Variants in HDAC4 observed in about 807,000 individuals in gnomAD.
HDAC4 encodes the protein histone deacetylase A.
A neutral mutation model predicts 135.1 loss-of-function variants in HDAC4; 16 were observed. The observed-to-expected ratio is 0.12, with a 90% confidence interval of 0.08 to 0.18. The LOEUF is 0.18. Among genes scored for constraint, HDAC4 ranks in the 10% least tolerant of loss-of-function variants. The pLI, the probability that HDAC4 is intolerant of heterozygous loss-of-function variation, is 1.00. For synonymous variants in HDAC4, 685 were observed against 653.4 expected, an observed-to-expected ratio of 1.05 and a Z score of -0.74; for missense variants, 1,143 against 1,511.8, an observed-to-expected ratio of 0.76 and a Z score of 4.05.
chr2:239,306,379 C>T lies in HDAC4; in HGVS notation c.22+46299G>A, dbSNP rs1474006920. On this transcript the variant is annotated intron_variant, in intron 2 of 26. Coordinates refer to ENST00000543185, the MANE Select transcript of HDAC4 (RefSeq NM_001378414.1). The surrounding 1 kb of genome is among the most constrained non-coding windows in gnomAD (Gnocchi z 4.5). ...AGAGGACACAGCCTTCCAGTGGACACGAGGACCTCAGAGGCCACCTGGCCA... is the reference window on the plus strand; with the variant it reads ...AGAGGACACAGCCTTCCAGTGGACATGAGGACCTCAGAGGCCACCTGGCCA... Among the ~76,000 whole-genome samples, 1 of 152,130 alleles carries T rather than the reference C, an allele frequency of 6.6e-6. No individual in the cohort carries two copies. The highest frequency in any genetic ancestry group is 1.5e-5 in the Non-Finnish European group (1 of 68,010).
In HDAC4 at chr2:239,374,386, C is replaced by CTTTTTTTT. The variant is rs755538495; in HGVS notation, c.-219-21476_-219-21469dup. 1.0e-3 allele frequency among the ~76,000 whole-genome samples: 57 copies of CTTTTTTTT among 56,708 alleles called. 4 individuals are homozygous for CTTTTTTTT. Among genetic ancestry groups the CTTTTTTTT allele is most frequent in the South Asian group, 1.8e-3 (2 of 1,122 alleles). The allele number at this position is 56,708 out of a possible 152,430, so 37.2% of individuals were successfully genotyped here. ...CACCCCAGATGAATAGAAAACAAGG[C>CTTTTTTTT]TTTTTTTTTTTTTTTTTTTTTTTTT... On this transcript the variant is annotated intron_variant, in intron 1 of 26. Coordinates refer to ENST00000543185, the MANE Select transcript of HDAC4 (RefSeq NM_001378414.1).
At chr2:239,086,488 T>C (rs2035969648) in intron 19 of HDAC4, among the ~76,000 whole-genome samples, 1 of 151,628 alleles carries the variant, frequency 6.6e-6, no homozygotes, top group Non-Finnish European at 1.5e-5. Context: ...ATCTCTTCCC[T>C]GCACACGAAG....
At chr2:239,315,088 T>C (rs2125725883) in intron 2 of HDAC4, among the ~76,000 whole-genome samples, 1 of 152,336 alleles carries the variant, frequency 6.6e-6, no homozygotes, top group East Asian at 1.9e-4. Flanking sequence ...CAGACATTCC[T>C]TTGTGTTGAT....
chr2:239,176,703 C>T, intron 4 of HDAC4, 140 bp from the exon 5 acceptor site: 1 of 695,222 alleles, frequency 1.4e-6, no homozygotes, highest in Non-Finnish European at 2.4e-6. Context: ...CCCTGCACTG[C>T]TGCTATTTCA....
chr2:239,302,154 ACCTAACT>A (rs1222693033), intron 2 of HDAC4, among the ~76,000 whole-genome samples: 3 of 152,188 alleles, frequency 2.0e-5, no homozygotes, highest in African/African-American at 7.2e-5. Context: ...AGAACAGAAA[ACCTAACT>A]CCTGCAGGCT....
chr2:239,395,192 G>A (rs1696478150), intron 1 of HDAC4, among the ~76,000 whole-genome samples: 1 of 152,206 alleles, frequency 6.6e-6, no homozygotes, highest in Admixed American at 6.5e-5. Context: ...CACAAACACA[G>A]CAAGTGCTAT....
At chr2:239,194,895 T>C (rs2045267641) in intron 3 of HDAC4, among the ~76,000 whole-genome samples, 1 of 152,200 alleles carries the variant, frequency 6.6e-6, no homozygotes. Context: ...GATCCGCCCC[T>C]GGCAGTGCTG....
chr2:239,246,046 T>C (rs1159844159), intron 2 of HDAC4, among the ~76,000 whole-genome samples: 2 of 152,210 alleles, frequency 1.3e-5, no homozygotes, highest in Non-Finnish European at 2.9e-5. Context: ...TGCCAGCACC[T>C]GCCCAGACAC....
At chr2:239,058,449 C>T (rs147404673) in intron 24 of HDAC4, among the ~76,000 whole-genome samples, 255 of 152,252 alleles carry the variant, frequency 1.7e-3, no homozygotes, top group African/African-American at 5.6e-3. Flanking sequence ...CAGGATAGGA[C>T]GTGAAAATAA....
chr2:239,136,846 C>T (rs2040995687), intron 9 of HDAC4, among the ~76,000 whole-genome samples: 1 of 152,208 alleles, frequency 6.6e-6, no homozygotes, highest in Non-Finnish European at 1.5e-5. Flanking sequence ...CCGGCCTTCT[C>T]ACTTAGGAGC....
At chr2:239,238,296 C>CTGTA (rs2048000548) in intron 2 of HDAC4, among the ~76,000 whole-genome samples, 1 of 151,964 alleles carries the variant, frequency 6.6e-6, no homozygotes, top group East Asian at 1.9e-4. Flanking sequence ...GAAAAGGTGC[C>CTGTA]TGTATGTATG....
chr2:239,298,680 C>G (rs1450699327), intron 2 of HDAC4: 11 of 947,234 alleles, frequency 1.2e-5, no homozygotes, highest in South Asian at 9.7e-5. Flanking sequence ...TATCCAGCAC[C>G]CAACAACGTG....
intron 2 of HDAC4, among the ~76,000 whole-genome samples, chr2:239,327,328 C>T (rs868320285): frequency 2.6e-4 from 39 of 152,288 alleles, no homozygotes; most frequent in African/African-American, 9.4e-4. Flanking sequence ...AACGTTCCTC[C>T]CCTTCCCCAG....
At position 239,049,544 on chromosome 2, in the gene HDAC4, T is replaced by C. The variant is rs186834320; in HGVS notation, c.*3553A>G. 1.3e-5 allele frequency: 2 copies of C among 152,416 alleles called. No individual in the cohort carries two copies. Among genetic ancestry groups the C allele is most frequent in the East Asian group, 3.9e-4 (2 of 5,174 alleles). The allele number at this position is 152,416 out of a possible 1,614,324, so 9.4% of individuals were successfully genotyped here. On this transcript the variant is annotated 3_prime_UTR_variant, in exon 27 of 27. Transcript: ENST00000543185. ...GGCCCAAAGTCTACAAAAAGAAGAA[T>C]GGAATGAGCACGTGGCTGTGACCAG...
intron 6 of HDAC4, among the ~76,000 whole-genome samples, chr2:239,159,002 C>T (rs963567166): frequency 6.6e-6 from 1 of 151,848 alleles, no homozygotes; most frequent in Non-Finnish European, 1.5e-5. Flanking sequence ...CTACTCACAC[C>T]CACCCATACC....
chr2:239,057,095 A>G (rs745338021), intron 24 of HDAC4, among the ~76,000 whole-genome samples: 10 of 152,228 alleles, frequency 6.6e-5, no homozygotes, highest in Non-Finnish European at 1.3e-4. Context: ...ATAGTCATGG[A>G]CCAGCATTGG....
chr2:239,300,517 G>C (rs547441155), intron 2 of HDAC4, among the ~76,000 whole-genome samples: 15 of 152,120 alleles, frequency 9.9e-5, no homozygotes, highest in Non-Finnish European at 1.9e-4. Flanking sequence ...GAGGACCAAG[G>C]AGGCCTCTTC....
chr2:239,295,294 A>G (rs1468349334), intron 2 of HDAC4, among the ~76,000 whole-genome samples: 11 of 128,662 alleles, frequency 8.5e-5, no homozygotes, highest in Non-Finnish European at 1.6e-4. Context: ...GTGACAGAGC[A>G]AGACTCCGTC....
intron 11 of HDAC4, among the ~76,000 whole-genome samples, chr2:239,131,355 C>T (rs554276714): frequency 3.3e-5 from 5 of 152,286 alleles, no homozygotes; most frequent in South Asian, 2.1e-4. Flanking sequence ...CGATTACCAG[C>T]GATAAGGTGG....
Sources: allele counts gnomAD v4.1 joint callset (sites outside exome capture counted in the v4.1 genomes callset), GRCh38; gene constraint gnomAD v4.1.1; non-coding constraint Gnocchi (gnomAD v3.1); transcripts MANE v1.5; gene names NCBI Gene and HGNC (gene_info 2026-07-23, HGNC 2026-07-21).